The following SCRN1 variants were observed in gnomAD, a reference collection of about 807,000 sequenced individuals.
SCRN1 encodes the protein secernin 1, also known as secernin-1.
A neutral mutation model predicts 43.3 loss-of-function variants in SCRN1; 19 were observed. The observed-to-expected ratio is 0.44, with a 90% CI of 0.31 to 0.64. The LOEUF (loss-of-function observed/expected upper bound fraction) is 0.64. Among genes scored for constraint, SCRN1 ranks in the 30% least tolerant of loss-of-function variants. The pLI, the probability that SCRN1 is intolerant of heterozygous loss-of-function variation, is 0.09. For missense variants in SCRN1, 447 were observed against 524.1 expected (o/e 0.85, Z 1.44); for synonymous variants, 183 against 188.9 (o/e 0.97, Z 0.26).
intron 2 of SCRN1, among the ~76,000 whole-genome samples, chr7:29,961,816 G>A (rs1383907912): frequency 1.3e-5 from 2 of 150,974 alleles, no homozygotes; most frequent in South Asian, 2.1e-4. Context: ...GCGGCTGGCC[G>A]GGCGGGGGGC....
chr7:29,941,829 C>A (rs1787567532), intron 4 of SCRN1, among the ~76,000 whole-genome samples: 1 of 152,190 alleles, frequency 6.6e-6, no homozygotes, highest in African/African-American at 2.4e-5. Context: ...AGGGCACAAA[C>A]ACTAGGAAGT....
At chr7:29,961,689 G>A (rs1267986646) in intron 2 of SCRN1, among the ~76,000 whole-genome samples, 5 of 151,868 alleles carry the variant, frequency 3.3e-5, no homozygotes, top group Admixed American at 6.5e-5. Flanking sequence ...GCGGCTGGCC[G>A]GGCAGAGGGG....
At chr7:29,975,484 G>A (rs569082084) in intron 1 of SCRN1, among the ~76,000 whole-genome samples, 41 of 152,266 alleles carry the variant, frequency 2.7e-4, no homozygotes, top group Non-Finnish European at 5.0e-4. Context: ...CCTTTTTGTG[G>A]TTTATGAAAT....
intron 2 of SCRN1, 95 bp from the exon 3 acceptor site, chr7:29,955,455 A>G: frequency 8.4e-7 from 1 of 1,194,560 alleles, no homozygotes; most frequent in South Asian, 1.5e-5. Flanking sequence ...TATTAGTTAC[A>G]AACAGAGCCA....
intron 2 of SCRN1, among the ~76,000 whole-genome samples, chr7:29,961,257 G>A (rs1788299655): frequency 7.0e-6 from 1 of 142,174 alleles, no homozygotes; most frequent in Non-Finnish European, 1.5e-5. Flanking sequence ...TGAGATTAGG[G>A]AGTGGTGATG....
At chr7:29,938,063 C>T (rs1787400560) in intron 5 of SCRN1, among the ~76,000 whole-genome samples, 1 of 151,904 alleles carries the variant, frequency 6.6e-6, no homozygotes, top group African/African-American at 2.4e-5. Context: ...GAGTCTCGTT[C>T]TGTCCCCCAG....
At chr7:29,948,345 G>T (rs1382414471) in intron 3 of SCRN1, among the ~76,000 whole-genome samples, 1 of 152,210 alleles carries the variant, frequency 6.6e-6, no homozygotes, top group Non-Finnish European at 1.5e-5. Context: ...TACTGTGAGA[G>T]TTAAATGAAA....
intron 1 of SCRN1, among the ~76,000 whole-genome samples, chr7:29,972,620 A>T (rs1292291096): frequency 6.6e-6 from 1 of 152,194 alleles, no homozygotes; most frequent in Non-Finnish European, 1.5e-5. Flanking sequence ...CTGTTTTAAG[A>T]ATTAAAAAGC....
chr7:29,947,258 G>T, intron 3 of SCRN1: 1 of 1,550,744 alleles, frequency 6.4e-7, no homozygotes, highest in Non-Finnish European at 8.7e-7. Flanking sequence ...TTCCCTGGGA[G>T]CCCATGACCT....
At chr7:29,956,101 G>A (rs541275413) in intron 2 of SCRN1, among the ~76,000 whole-genome samples, 21 of 152,346 alleles carry the variant, frequency 1.4e-4, no homozygotes, top group African/African-American at 3.8e-4. Flanking sequence ...GCTAATTTGA[G>A]TCAAACTATT....
At chr7:29,966,091 C>CGAGA in intron 2 of SCRN1, among the ~76,000 whole-genome samples, 1 of 127,378 alleles carries the variant, frequency 7.9e-6, no homozygotes, top group South Asian at 2.6e-4. Flanking sequence ...GACAGAGGAA[C>CGAGA]GAGAGAGAGA....
chr7:29,990,066 C>T, upstream of SCRN1: 3 of 1,511,308 alleles, frequency 2.0e-6, no homozygotes, highest in Non-Finnish European at 2.7e-6. Context: ...AGGGAAAACC[C>T]GGGCTTCAAG....
intron 1 of SCRN1, among the ~76,000 whole-genome samples, chr7:29,970,127 A>G (rs1436944379): frequency 2.0e-5 from 3 of 152,186 alleles, no homozygotes; most frequent in Non-Finnish European, 4.4e-5. Flanking sequence ...CATTGCAGCC[A>G]AAGTGATCCT....
chr7:29,979,122 T>C (rs1021877793), intron 1 of SCRN1, among the ~76,000 whole-genome samples: 1 of 152,136 alleles, frequency 6.6e-6, no homozygotes, highest in Admixed American at 6.6e-5. Flanking sequence ...CCCAGCACTT[T>C]GGGAGGCTGA....
rs961004062 is a variant in SCRN1, at chr7:29,965,887, T to C, written c.159+3022A>G. ...CCTATCCTCCAAAAAAGAAAACAAA[T>C]TTTTTTGAAATATTTATTTCAGACA... On this transcript the variant is annotated intron_variant, in intron 2 of 7. Transcript: ENST00000242059. The surrounding 1 kb of genome is among the most constrained non-coding windows in gnomAD (Gnocchi z 4.2). Among the ~76,000 whole-genome samples the C allele has an allele frequency of 2.0e-5, 3 of 152,000 alleles. No individual in the cohort carries two copies. The highest frequency in any genetic ancestry group is 7.3e-5 in the African/African-American group (3 of 41,366).
chr7:29,937,436 G>A (rs946160118), intron 5 of SCRN1, among the ~76,000 whole-genome samples: 11 of 152,220 alleles, frequency 7.2e-5, no homozygotes, highest in Admixed American at 5.2e-4. Flanking sequence ...TATAACATGG[G>A]AGAGAAATAA....
chr7:29,924,174 A>C (rs1055128922), intron 7 of SCRN1, 59 bp from the exon 8 acceptor site: 14 of 1,545,418 alleles, frequency 9.1e-6, no homozygotes, highest in Non-Finnish European at 1.2e-5. Flanking sequence ...ATTGCAGCGG[A>C]CACTGAAACC....
At chr7:29,989,173 G>A (rs1483752104) in intron 1 of SCRN1, 2 of 152,260 alleles carry the variant, frequency 1.3e-5, no homozygotes, top group African/African-American at 4.8e-5. Flanking sequence ...CCGGGCCGAA[G>A]GCGGCGGGCG....
At chr7:29,971,189 G>T (rs1052656936) in intron 1 of SCRN1, among the ~76,000 whole-genome samples, 1 of 152,226 alleles carries the variant, frequency 6.6e-6, no homozygotes, top group African/African-American at 2.4e-5. Flanking sequence ...CCTACTAGCT[G>T]TGTGACCTGC....
Sources: gnomAD v4.1 joint callset for allele counts (sites outside exome capture counted in the v4.1 genomes callset) on GRCh38, gnomAD v4.1.1 for gene constraint, Gnocchi (gnomAD v3.1) non-coding constraint, MANE v1.5 for transcripts, NCBI Gene and HGNC (gene_info 2026-07-23, HGNC 2026-07-21) for gene names.